Variants in DLG2 observed in about 807,000 individuals in gnomAD.
The protein encoded by DLG2 is discs large MAGUK scaffold protein 2, also known as disks large homolog 2.
DLG2 carries 45 observed loss-of-function variants against 132.5 expected under a neutral mutation model. The observed-to-expected ratio is 0.34, with a 90% CI of 0.27 to 0.44. The LOEUF is 0.44. Among genes scored for constraint, DLG2 ranks in the 20% least tolerant of loss-of-function variants. The probability of loss-of-function intolerance (pLI) is 1.00; values close to 1 mark genes in which losing one functional copy is unlikely to be tolerated. For synonymous variants in DLG2, 424 were observed against 419.6 expected (o/e 1.01, Z -0.13); for missense variants, 1,045 against 1,196.9 (o/e 0.87, Z 1.87).
chr11:84,056,936 T>G (rs1247762386), intron 11 of DLG2, among the ~76,000 whole-genome samples: 1 of 152,140 alleles, frequency 6.6e-6, no homozygotes, highest in Non-Finnish European at 1.5e-5. Flanking sequence ...CGCAAGAGCC[T>G]GCTTTTTAGG....
intron 19 of DLG2, among the ~76,000 whole-genome samples, chr11:83,596,209 G>C (rs556422949): frequency 6.6e-6 from 1 of 152,206 alleles, no homozygotes; most frequent in South Asian, 2.1e-4. Flanking sequence ...TCTGATGTAA[G>C]GGGAGGATGT....
intron 7 of DLG2, among the ~76,000 whole-genome samples, chr11:84,263,636 T>C (rs1432427690): frequency 2.6e-5 from 4 of 152,302 alleles, no homozygotes; most frequent in East Asian, 3.9e-4. Context: ...ATCCATTTTC[T>C]ATAAGGTATA....
chr11:83,939,031 G>T (rs754842205), intron 14 of DLG2, among the ~76,000 whole-genome samples: 1 of 152,192 alleles, frequency 6.6e-6, no homozygotes, highest in Non-Finnish European at 1.5e-5. Flanking sequence ...GCTGGCATTA[G>T]ACTCACAATG....
chr11:85,459,981 G>C (rs1045416655), intron 3 of DLG2, among the ~76,000 whole-genome samples: 1 of 152,206 alleles, frequency 6.6e-6, no homozygotes, highest in Non-Finnish European at 1.5e-5. Context: ...GTACTCTGCA[G>C]AGCCTGAAGG....
intron 3 of DLG2, among the ~76,000 whole-genome samples, chr11:85,367,505 G>T (rs1181074027): frequency 6.6e-6 from 1 of 152,042 alleles, no homozygotes; most frequent in East Asian, 1.9e-4. Context: ...AAATATTATG[G>T]CACTATTATT....
Position 84,693,992 on chromosome 11 carries a change from C to T in DLG2, c.358-159261G>A, listed in dbSNP as rs74689508. Among the ~76,000 whole-genome samples the T allele has an allele frequency of 9.5e-3, 1,438 of 151,732 alleles. 10 individuals are homozygous for T. The highest frequency in any genetic ancestry group is 0.014 in the African/African-American group (576 of 41,466). ...TGATTAATGCTTTTGTCATACCATA[C>T]ATGTAATTGTTTTAAGTAGAAGTTT... is the stretch of plus-strand genomic sequence containing the variant. On this transcript the variant is annotated intron_variant, in intron 6 of 27. Transcript: ENST00000376104.
chr11:84,261,618 T>G (rs1367504172), intron 7 of DLG2, among the ~76,000 whole-genome samples: 4 of 152,220 alleles, frequency 2.6e-5, no homozygotes, highest in Admixed American at 6.5e-5. Flanking sequence ...TACATGTTGA[T>G]AGCTAATTGG....
chr11:84,558,713 G>C (rs1050095285), intron 6 of DLG2, among the ~76,000 whole-genome samples: 2 of 152,084 alleles, frequency 1.3e-5, no homozygotes, highest in Admixed American at 1.3e-4. Flanking sequence ...AAACATTCCA[G>C]CTCTCAGGGC....
chr11:83,559,182 G>A (rs905764482), intron 19 of DLG2, among the ~76,000 whole-genome samples: 2 of 152,048 alleles, frequency 1.3e-5, no homozygotes, highest in African/African-American at 2.4e-5. Context: ...CAAAGGCATC[G>A]ACTTACAAAA....
At chr11:83,858,703 AG>A (rs2060949950) in intron 16 of DLG2, among the ~76,000 whole-genome samples, 5 of 152,216 alleles carry the variant, frequency 3.3e-5, no homozygotes, top group African/African-American at 9.6e-5. Context: ...ACACAAGGCC[AG>A]GTAATGATAA....
intron 9 of DLG2, among the ~76,000 whole-genome samples, chr11:84,109,345 C>G (rs189315584): frequency 6.6e-6 from 1 of 152,174 alleles, no homozygotes; most frequent in African/African-American, 2.4e-5. Flanking sequence ...TATGGGCTTT[C>G]CTGGAGAAAC....
In DLG2 at chr11:84,718,231, G is replaced by C. The variant is rs1565763037; in HGVS notation, c.358-183500C>G. ...ATACTTTGCAAAATAAGATGGGTTA[G>C]AGTCTCTAAAAGCATTATTTTATTT... On this transcript the variant is annotated intron_variant, in intron 6 of 27. Coordinates refer to ENST00000376104, the MANE Select transcript of DLG2 (RefSeq NM_001142699.3). Among the ~76,000 whole-genome samples the C allele has an allele frequency of 2.6e-5, 4 of 152,030 alleles. No homozygotes were observed. The South Asian group carries it at 6.2e-4, about 24-fold the overall frequency.
intron 19 of DLG2, among the ~76,000 whole-genome samples, chr11:83,553,900 T>C (rs201223570): frequency 6.6e-4 from 90 of 135,724 alleles, no homozygotes; most frequent in South Asian, 9.5e-4. Context: ...TTTTTTTTTC[T>C]TTTTTTTTTT....
At chr11:85,523,342 A>T (rs917994465) in intron 3 of DLG2, among the ~76,000 whole-genome samples, 1 of 152,202 alleles carries the variant, frequency 6.6e-6, no homozygotes. Flanking sequence ...CTGACAAGGG[A>T]TTAATAACCA....
intron 7 of DLG2, among the ~76,000 whole-genome samples, chr11:84,494,634 G>A (rs1287176763): frequency 1.3e-5 from 2 of 152,166 alleles, no homozygotes; most frequent in East Asian, 1.9e-4. Flanking sequence ...GATAAACATG[G>A]TTTCAGGAAA....
intron 6 of DLG2, among the ~76,000 whole-genome samples, chr11:84,774,280 A>C (rs942530547): frequency 4.6e-5 from 7 of 152,080 alleles, no homozygotes; most frequent in Non-Finnish European, 8.8e-5. Context: ...AAAAATAAAT[A>C]AAAAAACAAC....
At chr11:85,028,997 T>C (rs1347690118) in intron 6 of DLG2, among the ~76,000 whole-genome samples, 4 of 152,156 alleles carry the variant, frequency 2.6e-5, no homozygotes, top group Non-Finnish European at 1.5e-5. Context: ...TATGAAAGTA[T>C]CAATATTTAT....
chr11:85,289,640 C>T (rs34768274), intron 3 of DLG2, among the ~76,000 whole-genome samples: 1,865 of 152,260 alleles, frequency 0.012, 19 homozygotes, highest in Non-Finnish European at 0.021. Context: ...CTTCTTCCAA[C>T]ATGCCTTGTT....
chr11:84,088,702 C>T (rs1254168029), intron 10 of DLG2, among the ~76,000 whole-genome samples: 1 of 152,086 alleles, frequency 6.6e-6, no homozygotes, highest in Admixed American at 6.6e-5. Flanking sequence ...ATATTATGGA[C>T]AGAGAAAATC....
Sources: gnomAD v4.1 joint callset for allele counts (sites outside exome capture counted in the v4.1 genomes callset) on GRCh38, gnomAD v4.1.1 for gene constraint, MANE v1.5 for transcripts, NCBI Gene and HGNC (gene_info 2026-07-23, HGNC 2026-07-21) for gene names.